Variants in TMEM132C observed in about 807,000 individuals in gnomAD.
TMEM132C encodes protein phosphatase 1, regulatory subunit 152.
A neutral mutation model predicts 61.4 loss-of-function variants in TMEM132C; 29 were observed. That is an observed-to-expected ratio of 0.47 (90% CI 0.35 to 0.64). The LOEUF is 0.64. Among genes scored for constraint, TMEM132C ranks in the 30% least tolerant of loss-of-function variants. The probability of loss-of-function intolerance (pLI) is 0.00; values close to 1 mark genes in which losing one functional copy is unlikely to be tolerated. For missense variants in TMEM132C, 1,408 were observed against 1,476.9 expected (o/e 0.95, Z 0.76); for synonymous variants, 656 against 633.1 (o/e 1.04, Z -0.54).
chr12:128,327,129 G>T (rs1212855655), intron 1 of TMEM132C, among the ~76,000 whole-genome samples: 1 of 149,986 alleles, frequency 6.7e-6, no homozygotes, highest in African/African-American at 2.5e-5. Flanking sequence ...TTTTAATGGG[G>T]CAGGCAGCCC....
intron 1 of TMEM132C, among the ~76,000 whole-genome samples, chr12:128,398,790 G>A (rs1875049751): frequency 6.7e-6 from 1 of 149,988 alleles, no homozygotes; most frequent in Admixed American, 6.6e-5. Context: ...GGACCAACAG[G>A]GTGTTGAGTG....
chr12:128,289,324 C>T (rs1466009891), intron 1 of TMEM132C, among the ~76,000 whole-genome samples: 6 of 152,180 alleles, frequency 3.9e-5, no homozygotes, highest in Non-Finnish European at 8.8e-5. Context: ...GTGAATGCAG[C>T]CTTGTGACTA....
chr12:128,645,890 C>G lies in TMEM132C; in HGVS notation c.1306-23527C>G, dbSNP rs77199801. Among the ~76,000 whole-genome samples the G allele has an allele frequency of 3.5e-3, 524 of 151,624 alleles. 3 individuals carry two copies. Among genetic ancestry groups the G allele is most frequent in the Middle Eastern group, 0.01 (3 of 292 alleles). ...TGGATGTGAGTGTGTTTACTGGAGT[C>G]TATCAGTGCTGGATGTGAGTGTGTT... On this transcript the variant is annotated intron_variant, in intron 4 of 8. Coordinates refer to ENST00000435159, the MANE Select transcript of TMEM132C (RefSeq NM_001136103.3).
intron 3 of TMEM132C, among the ~76,000 whole-genome samples, chr12:128,603,439 T>C (rs60704679): frequency 0.023 from 3,468 of 152,264 alleles, 112 homozygotes; most frequent in African/African-American, 0.074. Flanking sequence ...CACAGGAAAC[T>C]GGCTCAAAGT....
At chr12:128,485,536 C>G in intron 2 of TMEM132C, among the ~76,000 whole-genome samples, 1 of 151,908 alleles carries the variant, frequency 6.6e-6, no homozygotes, top group East Asian at 1.9e-4. Flanking sequence ...AACCCTTGCC[C>G]AAGGGAATGT....
chr12:128,366,036 T>C (rs1400282505), intron 1 of TMEM132C, among the ~76,000 whole-genome samples: 4 of 152,238 alleles, frequency 2.6e-5, no homozygotes, highest in Non-Finnish European at 4.4e-5. Context: ...TTGCCCGCTT[T>C]GTTGCCGAGA....
intron 3 of TMEM132C, among the ~76,000 whole-genome samples, chr12:128,578,093 T>C (rs1023490424): frequency 7.9e-5 from 12 of 152,238 alleles, no homozygotes; most frequent in Non-Finnish European, 1.3e-4. Flanking sequence ...TTGCCATAAA[T>C]AAAAGCCAAC....
At chr12:128,493,073 G>C (rs1871802243) in intron 2 of TMEM132C, among the ~76,000 whole-genome samples, 1 of 152,246 alleles carries the variant, frequency 6.6e-6, no homozygotes, top group East Asian at 1.9e-4. Context: ...CATATGGCTA[G>C]CCAGTTTTCC....
chr12:128,355,851 G>A (rs1206291434), intron 1 of TMEM132C, among the ~76,000 whole-genome samples: 2 of 152,066 alleles, frequency 1.3e-5, no homozygotes, highest in African/African-American at 4.8e-5. Flanking sequence ...AATGCCACGT[G>A]CTTAGTGAGG....
chr12:128,424,069 A>G (rs760961339), intron 2 of TMEM132C, among the ~76,000 whole-genome samples: 2,739 of 149,140 alleles, frequency 0.018, 41 homozygotes, highest in African/African-American at 0.032. Context: ...AAAAAAAAAA[A>G]ACTTTGGGAG....
chr12:128,449,751 G>A (rs930640915), intron 2 of TMEM132C, among the ~76,000 whole-genome samples: 1 of 152,062 alleles, frequency 6.6e-6, no homozygotes, highest in Non-Finnish European at 1.5e-5. Context: ...TTTTTTGACA[G>A]GTGTCTCCTT....
rs891346013 is a variant in TMEM132C at position 128,705,945 on chromosome 12, G to A, written c.2977G>A (p.Glu993Lys). Residue 993 changes from glutamate (E) to lysine (K), a missense_variant, in exon 9 of 9, where the codon GAG (glutamate) becomes AAG (lysine). Transcript: ENST00000435159. ...GGGGGATGCGCCGCCGCCCCAGGAC[G>A]AGCACACCACCATCATAGACCGCGG... Reference protein sequence around the residue: ...SMGDAPPPQDEHTTIIDRGPG... With the variant: ...SMGDAPPPQDKHTTIIDRGPG... The A allele has an allele frequency of 2.4e-5, 38 of 1,551,324 alleles. No individual in the cohort carries two copies. Among genetic ancestry groups the A allele is most frequent in the Admixed American group, 1.4e-4 (7 of 50,968 alleles).
rs931422934 is a variant in TMEM132C at position 128,706,159 on chromosome 12, C to T, written c.3191C>T (p.Pro1064Leu). 175 of 1,551,634 alleles carry T rather than the reference C, an allele frequency of 1.1e-4. No homozygotes were observed. The highest frequency in any genetic ancestry group is 1.4e-4 in the Non-Finnish European group (160 of 1,147,016). ...TTTACCACCTTTACCACCATCCCCC[C>T]GGACGACAGCTGCCCCACGGTGAAC... Reference protein sequence around the residue: ...VKFTTFTTIPPDDSCPTVNSI... With the variant: ...VKFTTFTTIPLDDSCPTVNSI... Residue 1064 changes from proline (P) to leucine (L), a missense_variant, in exon 9 of 9, where the codon CCG (proline) becomes CTG (leucine). Coordinates refer to ENST00000435159, the MANE Select transcript of TMEM132C (RefSeq NM_001136103.3).
intron 1 of TMEM132C, among the ~76,000 whole-genome samples, chr12:128,366,007 C>T (rs1028613987): frequency 1.6e-4 from 25 of 152,302 alleles, no homozygotes; most frequent in South Asian, 1.5e-3. Context: ...GCTGGATCCG[C>T]GGGCCGTGAT....
intron 1 of TMEM132C, among the ~76,000 whole-genome samples, chr12:128,399,421 C>T (rs1029815679): frequency 6.6e-6 from 1 of 152,190 alleles, no homozygotes; most frequent in Non-Finnish European, 1.5e-5. Context: ...TCAATAGATA[C>T]AGCGAAACAT....
intron 2 of TMEM132C, among the ~76,000 whole-genome samples, chr12:128,430,675 G>A (rs4882762): frequency 0.38 from 58,039 of 151,928 alleles, 11,220 homozygotes; most frequent in South Asian, 0.48. Context: ...TCCTGTCTCC[G>A]TGTCACATTT....
chr12:128,341,035 G>C (rs1872963310), intron 1 of TMEM132C, among the ~76,000 whole-genome samples: 1 of 151,276 alleles, frequency 6.6e-6, no homozygotes, highest in Non-Finnish European at 1.5e-5. Context: ...CCGCCTCCCA[G>C]GTTCAAATGA....
intron 3 of TMEM132C, among the ~76,000 whole-genome samples, chr12:128,577,507 A>G (rs1875157432): frequency 6.6e-6 from 1 of 152,176 alleles, no homozygotes; most frequent in African/African-American, 2.4e-5. Flanking sequence ...TTGGAACCAA[A>G]GCTGTGCTTC....
At chr12:128,633,253 G>T (rs1317453837) in intron 4 of TMEM132C, among the ~76,000 whole-genome samples, 1 of 152,132 alleles carries the variant, frequency 6.6e-6, no homozygotes, top group African/African-American at 2.4e-5. Flanking sequence ...AGCTTCGGAT[G>T]CCATACACCA....
Sources: allele counts gnomAD v4.1 joint callset (sites outside exome capture counted in the v4.1 genomes callset), GRCh38; gene constraint gnomAD v4.1.1; transcripts MANE v1.5; gene names NCBI Gene and HGNC (gene_info 2026-07-23, HGNC 2026-07-21).